The following POLR1D variants were observed in gnomAD, a reference collection of about 807,000 sequenced individuals.
POLR1D encodes DNA-directed RNA polymerases I and III subunit RPAC2.
A neutral mutation model predicts 10.8 loss-of-function variants in POLR1D; 8 were observed. That is an observed-to-expected ratio of 0.74 (90% confidence interval 0.43 to 1.33). POLR1D has a LOEUF of 1.33. POLR1D is among the 40% of genes most tolerant of loss of function. POLR1D has a pLI of 0.01. For synonymous variants in POLR1D, 54 were observed against 57.2 expected (o/e 0.94, Z 0.25); for missense variants, 152 against 161.7 (o/e 0.94, Z 0.32).
At chr13:27,665,882 T>G (rs1956411691) in exon 3 of POLR1D, 2 of 1,614,034 alleles carry the variant, frequency 1.2e-6, no homozygotes, top group African/African-American at 2.7e-5. Context: ...CGCTCGAGGT[T>G]CCGCCAGTTA....
At chr13:27,644,767 T>C (rs1371992939) in intron 1 of POLR1D, among the ~76,000 whole-genome samples, 1 of 152,140 alleles carries the variant, frequency 6.6e-6, no homozygotes, top group Non-Finnish European at 1.5e-5. Flanking sequence ...TCTTATATAT[T>C]CTCCTATTTG....
At chr13:27,653,163 G>A (rs1380154194) in intron 2 of POLR1D, among the ~76,000 whole-genome samples, 3 of 151,884 alleles carry the variant, frequency 2.0e-5, no homozygotes, top group Non-Finnish European at 4.4e-5. Flanking sequence ...GCCTCCCAAA[G>A]TGCTAGGATT....
At chr13:27,632,719 C>T (rs918854917) in intron 1 of POLR1D, among the ~76,000 whole-genome samples, 17 of 144,640 alleles carry the variant, frequency 1.2e-4, no homozygotes, top group Non-Finnish European at 2.6e-4. Flanking sequence ...TATAATTTAC[C>T]TTTTTATTAT....
intron 1 of POLR1D, among the ~76,000 whole-genome samples, chr13:27,641,960 C>T (rs1956177723): frequency 6.6e-6 from 1 of 152,156 alleles, no homozygotes; most frequent in African/African-American, 2.4e-5. Flanking sequence ...TCCCACAGAG[C>T]ATCTGTGTGG....
At chr13:27,620,845 C>T (rs971751974), upstream of POLR1D, 1 of 153,040 alleles carries the variant, frequency 6.5e-6, no homozygotes, top group East Asian at 1.9e-4. Flanking sequence ...TGCGCGCACC[C>T]CCGGCCGCCG....
At chr13:27,628,470 C>G (rs1425408236) in intron 1 of POLR1D, among the ~76,000 whole-genome samples, 3 of 152,052 alleles carry the variant, frequency 2.0e-5, no homozygotes, top group Non-Finnish European at 2.9e-5. Context: ...TTAAGGAAGG[C>G]CTTTCTGAGG....
chr13:27,645,890 A>G (rs929666733), intron 1 of POLR1D, among the ~76,000 whole-genome samples: 1 of 152,240 alleles, frequency 6.6e-6, no homozygotes, highest in African/African-American at 2.4e-5. Context: ...AGTTTTAAGT[A>G]GAATCGAAAC....
chr13:27,650,587 C>T (rs1234426561), intron 2 of POLR1D: 1 of 152,350 alleles, frequency 6.6e-6, no homozygotes, highest in East Asian at 1.9e-4. Flanking sequence ...AAAGGCCAGC[C>T]CTCTCTTTGG....
chr13:27,624,540 T>A (rs74814135), downstream of POLR1D, among the ~76,000 whole-genome samples: 1 of 151,990 alleles, frequency 6.6e-6, no homozygotes, highest in Non-Finnish European at 1.5e-5. Flanking sequence ...GGGATAGATA[T>A]ATAGCTATAG....
chr13:27,623,472 C>T (rs1955974698), downstream of POLR1D: 1 of 987,436 alleles, frequency 1.0e-6, no homozygotes, highest in East Asian at 4.0e-5. Context: ...GTTTCTGTTC[C>T]ATGCAACCAA....
Position 27,663,270 on chromosome 13 carries a change from T to G in POLR1D, c.102-2416T>G, listed in dbSNP as rs541898488. On this transcript the variant is annotated intron_variant, in intron 2 of 2. Coordinates refer to the POLR1D transcript ENST00000399697. The surrounding 1 kb of genome is among the most constrained non-coding windows in gnomAD (Gnocchi z 4.1). ...CACTTGTCATCACTTCTAAAATGTG[T>G]ACTGGCATGCCTGGGAGATGTCTGA... is the stretch of plus-strand genomic sequence containing the variant. Among the ~76,000 whole-genome samples the G allele has an allele frequency of 1.2e-4, 19 of 152,176 alleles. No homozygotes were observed. The highest frequency in any genetic ancestry group is 2.5e-4 in the Non-Finnish European group (17 of 68,036).
chr13:27,637,288 C>T (rs967247211), intron 1 of POLR1D, among the ~76,000 whole-genome samples: 2 of 152,324 alleles, frequency 1.3e-5, no homozygotes, highest in Admixed American at 1.3e-4. Flanking sequence ...CTGCTTCCTT[C>T]CTTCCTTTCA....
chr13:27,659,311 T>C (rs1956336143), intron 2 of POLR1D, among the ~76,000 whole-genome samples: 1 of 152,168 alleles, frequency 6.6e-6, no homozygotes, highest in Non-Finnish European at 1.5e-5. Context: ...CATCAAGTGA[T>C]CACAGTGTGG....
intron 1 of POLR1D, among the ~76,000 whole-genome samples, chr13:27,646,521 T>C (rs1025923837): frequency 2.0e-5 from 3 of 152,080 alleles, no homozygotes. Flanking sequence ...ATTGAGGGAG[T>C]CAACATGTCA....
At chr13:27,658,004 G>C (rs939438194) in intron 2 of POLR1D, among the ~76,000 whole-genome samples, 1 of 152,140 alleles carries the variant, frequency 6.6e-6, no homozygotes. Flanking sequence ...TCATCTGCTC[G>C]TTCTGGAAGA....
intron 2 of POLR1D, chr13:27,651,055 A>G (rs1406244335): frequency 1.3e-5 from 2 of 152,212 alleles, no homozygotes; most frequent in Admixed American, 6.5e-5. Context: ...CAACACATTC[A>G]TTAACCCTTA....
In POLR1D at chr13:27,643,169, A is replaced by T. The variant is rs188874131; in HGVS notation, c.27-5210A>T. 5.0e-3 allele frequency among the ~76,000 whole-genome samples: 754 copies of T among 152,312 alleles called. 2 individuals are homozygous for T. The highest frequency in any genetic ancestry group is 0.017 in the African/African-American group (721 of 41,562). On this transcript the variant is annotated intron_variant, in intron 1 of 2. Transcript: ENST00000399697. ...TAATAGCCTCTTCAGGGAAGAGCCT[A>T]ATTCACCGTATAAATCACAGTACCT... is the stretch of plus-strand genomic sequence containing the variant.
chr13:27,660,567 T>A (rs904391833), intron 2 of POLR1D, among the ~76,000 whole-genome samples: 32 of 152,212 alleles, frequency 2.1e-4, no homozygotes, highest in Admixed American at 9.2e-4. Context: ...TGTTGGTGAC[T>A]CTCCTGGGCT....
At chr13:27,651,856 G>A (rs1384584560) in intron 2 of POLR1D, among the ~76,000 whole-genome samples, 1 of 152,174 alleles carries the variant, frequency 6.6e-6, no homozygotes, top group South Asian at 2.1e-4. Context: ...AAAGTGGGAG[G>A]ATGATAGTGA....
Sources: gnomAD v4.1 joint callset for allele counts (sites outside exome capture counted in the v4.1 genomes callset) on GRCh38, gnomAD v4.1.1 for gene constraint, Gnocchi (gnomAD v3.1) non-coding constraint, MANE v1.5 for transcripts, NCBI Gene and HGNC (gene_info 2026-07-23, HGNC 2026-07-21) for gene names.